DLGAP2: variants seen among roughly 807,000 people sequenced by gnomAD.
DLGAP2 encodes disks large-associated protein 2.
In DLGAP2, 26 loss-of-function variants were observed where a neutral mutation model predicts 100.3. The observed-to-expected ratio is 0.26, with a 90% confidence interval of 0.19 to 0.36. The LOEUF (loss-of-function observed/expected upper bound fraction) is 0.36. Ranked by LOEUF, DLGAP2 falls within the 10% of genes least tolerant of loss-of-function variation. The pLI, the probability that DLGAP2 is intolerant of heterozygous loss-of-function variation, is 1.00. For missense variants in DLGAP2, 1,858 were observed against 1,453.2 expected (o/e 1.28, Z -4.53); for synonymous variants, 886 against 630.1 (o/e 1.41, Z -6.08).
chr8:1,576,388 A>G (rs1049541343), intron 6 of DLGAP2, among the ~76,000 whole-genome samples: 17 of 152,218 alleles, frequency 1.1e-4, no homozygotes, highest in South Asian at 6.2e-4. Context: ...AGATGAGTAG[A>G]TTGCAAAAAT....
chr8:1,555,555 C>T (rs1200968354), intron 5 of DLGAP2, among the ~76,000 whole-genome samples: 2 of 152,224 alleles, frequency 1.3e-5, no homozygotes, highest in African/African-American at 2.4e-5. Flanking sequence ...CGCTGGTGCT[C>T]ACCGAGCCCG....
At chr8:738,482 T>C (rs1563403771) in intron 1 of DLGAP2, 1 of 152,124 alleles carries the variant, frequency 6.6e-6, no homozygotes, top group Non-Finnish European at 1.5e-5. Flanking sequence ...GGGTCTTTTT[T>C]AGGGGTGGTT....
At chr8:1,311,276 T>C (rs1434483050) in intron 3 of DLGAP2, among the ~76,000 whole-genome samples, 1 of 152,194 alleles carries the variant, frequency 6.6e-6, no homozygotes, top group East Asian at 1.9e-4. Context: ...ATCGAATCTA[T>C]AATGATAAAA....
rs535274738 is a variant in DLGAP2, at chr8:1,337,292, G to A, written c.106+78409G>A. On this transcript the variant is annotated intron_variant, in intron 3 of 14. Transcript: ENST00000637795. The stretch of plus-strand genomic sequence containing the variant: ...GAGGATGATGGTGGTGGTGGCGATG[G>A]TGATGATGAGGATGATGTGATGGTG... Among the ~76,000 whole-genome samples the A allele has an allele frequency of 2.8e-5, 4 of 144,174 alleles. No individual in the cohort carries two copies. In the East Asian group the frequency reaches 8.6e-4, roughly 31 times the overall value. 94.6% of individuals were successfully genotyped at this position (144,174 alleles called of 152,430 possible). A position where few individuals can be genotyped will look rare whatever the true frequency, so the allele number is the denominator to read the frequency against.
chr8:1,698,827 T>C (rs1352996233), intron 14 of DLGAP2, among the ~76,000 whole-genome samples: 3 of 150,400 alleles, frequency 2.0e-5, no homozygotes, highest in Non-Finnish European at 3.0e-5. Flanking sequence ...ACATAAGCCA[T>C]GCAGGGGACA....
chr8:813,481 A>G (rs1379074676), intron 1 of DLGAP2, among the ~76,000 whole-genome samples: 1 of 152,228 alleles, frequency 6.6e-6, no homozygotes, highest in Non-Finnish European at 1.5e-5. Context: ...AAATAGAAAC[A>G]TGAACTCTGC....
intron 2 of DLGAP2, among the ~76,000 whole-genome samples, chr8:962,855 C>G (rs140879995): frequency 6.6e-6 from 1 of 152,140 alleles, no homozygotes; most frequent in Non-Finnish European, 1.5e-5. Flanking sequence ...TGATGGCCTT[C>G]GTAGGATCCA....
At chr8:1,679,008 G>A (rs2293908) in intron 12 of DLGAP2, 26,580 of 183,268 alleles carry the variant, frequency 0.15, 2,383 homozygotes, top group East Asian at 0.41. Flanking sequence ...TGCTTTACAA[G>A]AAAATGCCTT....
intron 2 of DLGAP2, among the ~76,000 whole-genome samples, chr8:1,043,488 T>A (rs535871160): frequency 6.6e-6 from 1 of 151,968 alleles, no homozygotes; most frequent in East Asian, 1.9e-4. Context: ...GTGTCTACCC[T>A]GGGGCTTCTC....
chr8:1,334,475 A>T (rs948140484), intron 3 of DLGAP2, among the ~76,000 whole-genome samples: 4 of 152,192 alleles, frequency 2.6e-5, no homozygotes, highest in African/African-American at 9.7e-5. Context: ...TCTCAGGCCT[A>T]CTTTTCGTTC....
intron 2 of DLGAP2, among the ~76,000 whole-genome samples, chr8:1,215,877 C>G (rs1013234885): frequency 6.9e-6 from 1 of 145,204 alleles, no homozygotes; most frequent in African/African-American, 2.7e-5. Context: ...CTGGAGACGT[C>G]CAGGTACCTC....
intron 3 of DLGAP2, among the ~76,000 whole-genome samples, chr8:1,375,316 C>A (rs1317221292): frequency 1.8e-5 from 1 of 55,452 alleles, no homozygotes; most frequent in Non-Finnish European, 3.3e-5. Flanking sequence ...CAGAACTGAG[C>A]CCCCACCTCC....
chr8:1,158,248 A>G (rs1426477014), intron 2 of DLGAP2, among the ~76,000 whole-genome samples: 2 of 152,252 alleles, frequency 1.3e-5, no homozygotes, highest in Admixed American at 6.5e-5. Flanking sequence ...AATTAAAATG[A>G]GGCAATGTAA....
At chr8:1,076,775 G>A (rs1315801121) in intron 2 of DLGAP2, among the ~76,000 whole-genome samples, 1 of 152,148 alleles carries the variant, frequency 6.6e-6, no homozygotes, top group East Asian at 1.9e-4. Context: ...GGATCTGGAG[G>A]CTCGAAGTTC....
intron 2 of DLGAP2, among the ~76,000 whole-genome samples, chr8:950,191 G>T (rs377142754): frequency 3.9e-5 from 6 of 152,276 alleles, no homozygotes; most frequent in African/African-American, 1.4e-4. Flanking sequence ...TCTCATGCCC[G>T]GCTGAAGTTA....
intron 3 of DLGAP2, among the ~76,000 whole-genome samples, chr8:1,316,043 C>G (rs1241059989): frequency 1.4e-5 from 2 of 138,382 alleles, no homozygotes; most frequent in Admixed American, 7.4e-5. Context: ...CACTTGGCAG[C>G]TTTTAAAAAT....
chr8:779,545 C>T (rs1023440646), intron 1 of DLGAP2, among the ~76,000 whole-genome samples: 4 of 151,174 alleles, frequency 2.6e-5, no homozygotes, highest in Admixed American at 6.6e-5. Context: ...TTCACTGCAG[C>T]GTCTGCCTCC....
At chr8:1,553,129 G>T (rs1235530678) in intron 5 of DLGAP2, among the ~76,000 whole-genome samples, 2 of 152,112 alleles carry the variant, frequency 1.3e-5, no homozygotes, top group African/African-American at 4.8e-5. Context: ...GGACAGCGGG[G>T]CCCCTGCTGC....
intron 2 of DLGAP2, among the ~76,000 whole-genome samples, chr8:1,053,166 G>T (rs1389164845): frequency 8.5e-5 from 13 of 152,178 alleles, no homozygotes; most frequent in Non-Finnish European, 2.9e-5. Context: ...TTATTTAAAA[G>T]AAATCAAAAT....
Sources: allele counts gnomAD v4.1 joint callset (sites outside exome capture counted in the v4.1 genomes callset), GRCh38; gene constraint gnomAD v4.1.1; transcripts MANE v1.5; gene names NCBI Gene and HGNC (gene_info 2026-07-23, HGNC 2026-07-21).